Variants in TBC1D8 observed in about 807,000 individuals in gnomAD.
The protein encoded by TBC1D8 is TBC1 domain family member 8, also known as BUB2-like protein 1.
A neutral mutation model predicts 118.8 loss-of-function variants in TBC1D8; 65 were observed. The observed-to-expected ratio is 0.55, with a 90% CI of 0.45 to 0.67. The LOEUF (loss-of-function observed/expected upper bound fraction) is 0.67. Ranked by LOEUF, TBC1D8 falls within the 30% of genes least tolerant of loss-of-function variation. The pLI, the probability that TBC1D8 is intolerant of heterozygous loss-of-function variation, is 0.00. For synonymous variants in TBC1D8, 566 were observed against 595.8 expected (o/e 0.95, Z 0.73); for missense variants, 1,376 against 1,471.2 (o/e 0.94, Z 1.06).
At chr2:101,028,480 C>T (rs895683072) in intron 12 of TBC1D8, 48 bp from the exon 13 acceptor site, 1 of 1,514,120 alleles carries the variant, frequency 6.6e-7, no homozygotes, top group Non-Finnish European at 8.8e-7. Context: ...CATTCGGGTA[C>T]CACAACACGG....
At chr2:101,125,296 T>C (rs904472528) in intron 1 of TBC1D8, among the ~76,000 whole-genome samples, 3 of 151,664 alleles carry the variant, frequency 2.0e-5, no homozygotes, top group Admixed American at 6.6e-5. Flanking sequence ...ACAAGAAAAA[T>C]AGTTTAAAAA....
intron 5 of TBC1D8, among the ~76,000 whole-genome samples, chr2:101,043,679 C>T (rs1050671580): frequency 2.6e-5 from 4 of 152,134 alleles, no homozygotes; most frequent in African/African-American, 9.7e-5. Flanking sequence ...TGGTGGCTCA[C>T]ACCTGTAATC....
chr2:101,050,044 G>C (rs1430092043), intron 5 of TBC1D8, among the ~76,000 whole-genome samples: 1 of 152,042 alleles, frequency 6.6e-6, no homozygotes, highest in Admixed American at 6.6e-5. Flanking sequence ...AGGCAGGATG[G>C]TCTTGATCTC....
chr2:101,132,273 C>T (rs1445452779), intron 1 of TBC1D8, among the ~76,000 whole-genome samples: 1 of 152,106 alleles, frequency 6.6e-6, no homozygotes, highest in African/African-American at 2.4e-5. Context: ...TTTTCTAAAT[C>T]ATTTGAGGGG....
intron 1 of TBC1D8, among the ~76,000 whole-genome samples, chr2:101,108,908 T>C (rs960936501): frequency 2.6e-5 from 4 of 152,230 alleles, no homozygotes; most frequent in Admixed American, 2.6e-4. Flanking sequence ...AAATAGGCCA[T>C]ACCACTACAA....
At chr2:101,030,425 C>T (rs1680603052) in intron 11 of TBC1D8, among the ~76,000 whole-genome samples, 1 of 152,178 alleles carries the variant, frequency 6.6e-6, no homozygotes, top group South Asian at 2.1e-4. Flanking sequence ...CATCATTAAT[C>T]ATCAGAGAAA....
At chr2:101,070,957 C>T (rs538638904) in intron 2 of TBC1D8, among the ~76,000 whole-genome samples, 1 of 152,150 alleles carries the variant, frequency 6.6e-6, no homozygotes, top group Admixed American at 6.5e-5. Flanking sequence ...GTACCTAAGC[C>T]TCTAATAGAT....
chr2:101,051,392 C>T (rs1011563465), intron 4 of TBC1D8, among the ~76,000 whole-genome samples: 1 of 152,168 alleles, frequency 6.6e-6, no homozygotes, highest in Admixed American at 6.5e-5. Context: ...GACATGGGAA[C>T]AGGCAAAGAT....
intron 5 of TBC1D8, among the ~76,000 whole-genome samples, chr2:101,049,863 G>A (rs971800885): frequency 3.3e-5 from 5 of 150,358 alleles, no homozygotes; most frequent in Admixed American, 3.3e-4. Flanking sequence ...GTCTTGTTCT[G>A]TCGCCCAGGC....
Position 101,151,335 on chromosome 2 carries a change from G to C in TBC1D8, c.-82C>G. On this transcript the variant is annotated 5_prime_UTR_variant, in exon 1 of 20. Transcript: ENST00000409318. ...GCTGTGAGCCGAGCCCGCTCGAGAG[G>C]CGACGGCGGCGCGCGGGGACCACAG... 1 of 1,080,812 alleles carries C rather than the reference G, an allele frequency of 9.3e-7. No individual in the cohort carries two copies. Among genetic ancestry groups the C allele is most frequent in the South Asian group, 4.4e-5 (1 of 22,874 alleles). 67.0% of individuals were successfully genotyped at this position (1,080,812 alleles called of 1,614,324 possible). A position where few individuals can be genotyped will look rare whatever the true frequency, so the allele number is the denominator to read the frequency against.
At chr2:101,013,790 T>A (rs940299343) in intron 17 of TBC1D8, among the ~76,000 whole-genome samples, 1 of 152,244 alleles carries the variant, frequency 6.6e-6, no homozygotes, top group African/African-American at 2.4e-5. Context: ...CACATATGGC[T>A]TTGAACACAA....
rs556963275 is a variant in TBC1D8, at chr2:101,108,590, G to A, written c.128-18226C>T. On this transcript the variant is annotated intron_variant, in intron 1 of 19. Coordinates refer to ENST00000409318, the MANE Select transcript of TBC1D8 (RefSeq NM_001330348.2). ...TGAGACCAACAACTTTACTTGGCTC[G>A]GGGCCCCTTGCTCCATCTCCAAGAC... Among the ~76,000 whole-genome samples, 37 of 152,050 alleles carry A rather than the reference G, an allele frequency of 2.4e-4. No homozygotes were observed. The South Asian group carries it at 6.2e-3, about 26-fold the overall frequency.
In TBC1D8 at chr2:101,029,721, C is replaced by A; in HGVS notation, c.1992G>T (p.Glu664Asp). The A allele has an allele frequency of 1.2e-6, 2 of 1,614,052 alleles. No homozygotes were observed. The highest frequency in any genetic ancestry group is 1.7e-6 in the Non-Finnish European group (2 of 1,179,902). The change falls in exon 12 of 20, where the codon GAG becomes GAT. Residue 664 changes from glutamate (E) to aspartate (D), a missense_variant. By Grantham distance (45) the Glu-to-Asp change is conservative (BLOSUM62 2). Coordinates refer to ENST00000409318, the MANE Select transcript of TBC1D8 (RefSeq NM_001330348.2). The stretch of plus-strand genomic sequence containing the variant: ...AGAGGTCGTTCATGTGCTCTGCCAG[C>A]TCTGGGAGATGACCCTTGATGAGCT... ...FEELIKGHLP[E>D]LAEHMNDLSA...
At chr2:101,144,279 C>T (rs1272888263) in intron 1 of TBC1D8, among the ~76,000 whole-genome samples, 4 of 152,180 alleles carry the variant, frequency 2.6e-5, no homozygotes, top group African/African-American at 4.8e-5. Flanking sequence ...ACAGACAAAC[C>T]CTCAAAGAGC....
chr2:101,107,632 C>T (rs994022210), intron 1 of TBC1D8, among the ~76,000 whole-genome samples: 2 of 152,114 alleles, frequency 1.3e-5, no homozygotes, highest in Non-Finnish European at 2.9e-5. Flanking sequence ...GCAATGAGCA[C>T]ACATAGAGCG....
intron 2 of TBC1D8, among the ~76,000 whole-genome samples, chr2:101,082,833 A>G (rs1369283965): frequency 2.2e-5 from 3 of 137,818 alleles, no homozygotes; most frequent in African/African-American, 8.3e-5. Context: ...AGATGAAAAA[A>G]GTTCTGGAGA....
At chr2:101,135,241 A>G (rs570982001) in intron 1 of TBC1D8, among the ~76,000 whole-genome samples, 1 of 152,340 alleles carries the variant, frequency 6.6e-6, no homozygotes, top group South Asian at 2.1e-4. Context: ...CTTGTCAAAG[A>G]GAACCTTCCA....
In TBC1D8 at chr2:101,038,387, C is replaced by A. The variant is rs767243496; in HGVS notation, c.1275+74G>T. ...CTTCTCATCCCCACATGGCTCTCCC[C>A]ATGTGTACTCCCCTTTGGAGACCAC... On this transcript the variant is annotated intron_variant, in intron 7 of 19. Coordinates refer to ENST00000409318, the MANE Select transcript of TBC1D8 (RefSeq NM_001330348.2). 18 of 1,508,430 alleles carry A rather than the reference C, an allele frequency of 1.2e-5. No homozygotes were observed. The Middle Eastern group carries it at 5.3e-4, about 44-fold the overall frequency. The allele number at this position is 1,508,430 out of a possible 1,614,324, so 93.4% of individuals were successfully genotyped here.
At chr2:101,042,535 G>A (rs1441857778) in intron 5 of TBC1D8, among the ~76,000 whole-genome samples, 3 of 152,138 alleles carry the variant, frequency 2.0e-5, no homozygotes. Flanking sequence ...AGGGATCCCT[G>A]TGAATCTAAA....
Sources: allele counts gnomAD v4.1 joint callset (sites outside exome capture counted in the v4.1 genomes callset), GRCh38; gene constraint gnomAD v4.1.1; transcripts MANE v1.5; gene names NCBI Gene and HGNC (gene_info 2026-07-23, HGNC 2026-07-21).